ARSG: variants seen among roughly 807,000 people sequenced by gnomAD.
The protein encoded by ARSG is arylsulfatase G, also known as ASG.
ARSG carries 37 observed loss-of-function variants against 50.5 expected under a neutral mutation model. The observed-to-expected ratio is 0.73, with a 90% CI of 0.56 to 0.96. ARSG has a LOEUF of 0.96. Among genes scored for constraint, ARSG ranks in the 50% least tolerant of loss-of-function variants. ARSG has a pLI of 0.00. For synonymous variants in ARSG, 225 were observed against 254.6 expected (o/e 0.88, Z 1.11); for missense variants, 629 against 675.3 (o/e 0.93, Z 0.76).
At chr17:68,351,445 C>T (rs2078755739) in intron 4 of ARSG, 130 bp from the exon 5 acceptor site, 1 of 590,880 alleles carries the variant, frequency 1.7e-6, no homozygotes, top group African/African-American at 1.8e-5. Flanking sequence ...ATCAAATCCT[C>T]TTATAATTAC....
At chr17:68,300,900 C>T (rs144874690) in intron 1 of ARSG, among the ~76,000 whole-genome samples, 4 of 151,124 alleles carry the variant, frequency 2.6e-5, no homozygotes, top group East Asian at 3.9e-4. Context: ...GGGTAGATCA[C>T]GAAGTCAGGA....
intron 9 of ARSG, among the ~76,000 whole-genome samples, chr17:68,389,152 C>T (rs1478878873): frequency 6.6e-6 from 1 of 152,126 alleles, no homozygotes; most frequent in African/African-American, 2.4e-5. Context: ...AGGGCCTAAC[C>T]ACATGTCGCC....
At chr17:68,267,875 A>G (rs1555746903) in intron 1 of ARSG, 1 of 152,248 alleles carries the variant, frequency 6.6e-6, no homozygotes, top group African/African-American at 2.4e-5. Context: ...TCGCTATAAC[A>G]TAATTGTCTC....
upstream of ARSG, among the ~76,000 whole-genome samples, chr17:68,288,194 GT>G (rs1467245897): frequency 5.3e-5 from 8 of 151,878 alleles, no homozygotes; most frequent in Non-Finnish European, 1.0e-4. Context: ...TAGAGACAGG[GT>G]TTCACCATGT....
intron 6 of ARSG, among the ~76,000 whole-genome samples, chr17:68,363,184 G>T (rs995272688): frequency 1.3e-5 from 2 of 152,210 alleles, no homozygotes; most frequent in East Asian, 3.8e-4. Context: ...CATGACCTGG[G>T]AGCAAAGGAG....
chr17:68,265,156 GA>G (rs369928777), intron 1 of ARSG, among the ~76,000 whole-genome samples: 168 of 73,616 alleles, frequency 2.3e-3, no homozygotes, highest in East Asian at 5.5e-3. Flanking sequence ...CTCCATCTCA[GA>G]AAAAAAAAAA....
rs921265073 is a variant in ARSG at position 68,351,495 on chromosome 17, C to T, written c.455-80C>T. 6 of 768,422 alleles carry T rather than the reference C, an allele frequency of 7.8e-6. No homozygotes were observed. In the African/African-American group the frequency reaches 1.0e-4, roughly 13 times the overall value. The allele number at this position is 768,422 out of a possible 1,614,324, so 47.6% of individuals were successfully genotyped here. A position where few individuals can be genotyped will look rare whatever the true frequency, so the allele number is the denominator to read the frequency against. On this transcript the variant is annotated intron_variant, in intron 4 of 11. Coordinates refer to ENST00000621439, the MANE Select transcript of ARSG (RefSeq NM_001267727.2). ...TGCAGTATTAAATCATAGGAAATTA[C>T]ATTTTTGTCGTGGGTGTACAAAGGC...
At chr17:68,280,373 T>G (rs9890724) in intron 1 of ARSG, among the ~76,000 whole-genome samples, 37,460 of 151,704 alleles carry the variant, frequency 0.25, 5,153 homozygotes, top group African/African-American at 0.36. Context: ...GGCATCACAC[T>G]AACAGACCTC....
intron 11 of ARSG, among the ~76,000 whole-genome samples, chr17:68,415,371 T>C (rs1488855189): frequency 1.3e-5 from 2 of 152,218 alleles, no homozygotes; most frequent in Non-Finnish European, 2.9e-5. Context: ...TATTCCACTG[T>C]GGTCTGAGAG....
Position 68,271,156 on chromosome 17 carries a change from G to A in ARSG, c.-552+11730G>A, listed in dbSNP as rs782743456. 1.1e-5 allele frequency: 18 copies of A among 1,613,990 alleles called. No individual in the cohort carries two copies. Among genetic ancestry groups the A allele is most frequent in the African/African-American group, 5.3e-5 (4 of 74,938 alleles). On this transcript the variant is annotated intron_variant, in intron 1 of 11. Coordinates refer to the ARSG transcript ENST00000448504. The surrounding 1 kb of genome is among the most constrained non-coding windows in gnomAD (Gnocchi z 5.3). ...TCCGAAAACTTCTGCAATGGCCATC[G>A]TAGATAATAAAAAAGCAGCGCGGTC...
chr17:68,368,663 T>C lies in ARSG; in HGVS notation c.820T>C (p.Trp274Arg), dbSNP rs1558878. ...RGRSLYGAGL[W>R]EMDSLVGQIK... ...CAGAAGCCTGTATGGTGCAGGGCTC[T>C]GGGAGATGGACAGTCTGGTGGGCCA... is the stretch of plus-strand genomic sequence containing the variant. Residue 274 changes from tryptophan (W) to arginine (R), a missense_variant, in exon 7 of 12, where the codon TGG becomes CGG. Physicochemically the swap from Trp to Arg is moderately radical, Grantham distance 101 (BLOSUM62 -3). Coordinates refer to ENST00000621439, the MANE Select transcript of ARSG (RefSeq NM_001267727.2). 760,065 of 1,613,180 alleles carry C rather than the reference T, an allele frequency of 0.47. 182,582 individuals are homozygous for C. Among genetic ancestry groups the C allele is most frequent in the Non-Finnish European group, 0.49 (582,696 of 1,179,572 alleles).
At chr17:68,426,250 G>GC (rs770340561), downstream of ARSG, 16 of 828,058 alleles carry the variant, frequency 1.9e-5, no homozygotes, top group Non-Finnish European at 2.5e-5. Flanking sequence ...GGTGGGGAGC[G>GC]GGGGCTCAAA....
At chr17:68,290,360 G>C (rs1032574152), upstream of ARSG, among the ~76,000 whole-genome samples, 19 of 152,352 alleles carry the variant, frequency 1.2e-4, no homozygotes, top group Middle Eastern at 3.4e-3. Context: ...AACCTAGAAG[G>C]AAATAACCCA....
At chr17:68,426,251 G>GGGGGGGA, downstream of ARSG, 4 of 825,460 alleles carry the variant, frequency 4.8e-6, 1 homozygote, top group Admixed American at 4.7e-5. Flanking sequence ...GTGGGGAGCG[G>GGGGGGGA]GGGCTCAAAT....
At chr17:68,364,167 C>A (rs555920083) in intron 6 of ARSG, among the ~76,000 whole-genome samples, 28 of 152,256 alleles carry the variant, frequency 1.8e-4, no homozygotes, top group African/African-American at 6.5e-4. Context: ...GTCTCCACAC[C>A]CTGCCCCATC....
the ARSG span, chr17:68,436,521 G>T: frequency 3.3e-5 from 53 of 1,585,738 alleles, no homozygotes; most frequent in African/African-American, 7.1e-4. Context: ...TGGGGCCAAG[G>T]GAGAGATTGC....
intron 5 of ARSG, among the ~76,000 whole-genome samples, chr17:68,354,554 A>T (rs2078950182): frequency 6.6e-6 from 1 of 152,158 alleles, no homozygotes; most frequent in Non-Finnish European, 1.5e-5. Flanking sequence ...ATTCAACATA[A>T]ATATGCGATT....
At chr17:68,377,835 T>C (rs577185224) in intron 8 of ARSG, among the ~76,000 whole-genome samples, 7 of 152,356 alleles carry the variant, frequency 4.6e-5, no homozygotes, top group African/African-American at 9.6e-5. Flanking sequence ...ACATTCTTTT[T>C]TGGGGCAAGG....
intron 1 of ARSG, among the ~76,000 whole-genome samples, chr17:68,272,148 G>A (rs1568406016): frequency 6.6e-6 from 1 of 152,088 alleles, no homozygotes; most frequent in African/African-American, 2.4e-5. Flanking sequence ...ATGTTGGCCA[G>A]GCTGGTCTCG....
Sources: gnomAD v4.1 joint callset for allele counts (sites outside exome capture counted in the v4.1 genomes callset) on GRCh38, gnomAD v4.1.1 for gene constraint, Gnocchi (gnomAD v3.1) non-coding constraint, MANE v1.5 for transcripts, NCBI Gene and HGNC (gene_info 2026-07-23, HGNC 2026-07-21) for gene names.